THOC2: variants seen among roughly 807,000 people sequenced by gnomAD.
THOC2 encodes THO complex 2.
Under a neutral mutation model 128.4 loss-of-function variants are expected in THOC2, and 10 were observed. The observed-to-expected ratio is 0.08, with a 90% CI of 0.05 to 0.13. THOC2 has a LOEUF of 0.13. THOC2 is among the 10% of genes least tolerant of loss of function. The probability of loss-of-function intolerance (pLI) is 1.00; values close to 1 mark genes in which losing one functional copy is unlikely to be tolerated. For synonymous variants in THOC2, 393 were observed against 396.9 expected (o/e 0.99, Z 0.12); for missense variants, 535 against 1,155.7 (o/e 0.46, Z 7.79).
chrX:123,700,305 A>T (rs2050636221), intron 4 of THOC2, among the ~76,000 whole-genome samples: 1 of 108,712 alleles, frequency 9.2e-6, no homozygotes, highest in Admixed American at 1.0e-4. Flanking sequence ...GTTTGAGACC[A>T]GCCTGGCCAA....
chrX:123,633,463 C>T (rs754262302), intron 20 of THOC2, among the ~76,000 whole-genome samples: 13 of 111,405 alleles, frequency 1.2e-4, no homozygotes, highest in East Asian at 1.1e-3. Flanking sequence ...AGTACGATGG[C>T]GAGATCTTGG....
chrX:123,611,387 AG>A, intron 37 of THOC2, 52 bp downstream of exon 37: 1 of 910,579 alleles, frequency 1.1e-6, no homozygotes, highest in Non-Finnish European at 1.6e-6. Flanking sequence ...AAACATGACC[AG>A]TATCAAAGCT....
intron 19 of THOC2, among the ~76,000 whole-genome samples, chrX:123,634,522 T>C (rs1235234900): frequency 8.9e-6 from 1 of 111,839 alleles, no homozygotes; most frequent in Non-Finnish European, 1.9e-5. Flanking sequence ...AAGAGAGCTA[T>C]TCTCTTAAAT....
intron 16 of THOC2, among the ~76,000 whole-genome samples, chrX:123,639,622 C>T (rs986031397): frequency 6.3e-5 from 7 of 110,815 alleles, no homozygotes; most frequent in Middle Eastern, 4.2e-3. Flanking sequence ...TGGGTACACA[C>T]GGACATAAAG....
In THOC2 at chrX:123,713,476, C is replaced by CAAAAAA. The variant is rs1245124629; in HGVS notation, c.72-574_72-569dup. Among the ~76,000 whole-genome samples, 372 of 38,366 alleles carry CAAAAAA rather than the reference C, an allele frequency of 9.7e-3. 4 individuals are homozygous for CAAAAAA. The highest frequency in any genetic ancestry group is 0.065 in the Middle Eastern group (3 of 46). 33.3% of individuals were successfully genotyped at this position (38,366 alleles called of 115,157 possible). Reference sequence around the variant, plus strand: ...GCAACAGAGCAAGACTCTGTCTCTACAAAAAAAAAAAAAAAGTAAAGAAAA... The same window carrying CAAAAAA: ...GCAACAGAGCAAGACTCTGTCTCTACAAAAAAAAAAAAAAAAAAAAAGTAAAGAAAA... On this transcript the variant is annotated intron_variant, in intron 1 of 38. Coordinates refer to ENST00000245838, the MANE Select transcript of THOC2 (RefSeq NM_001081550.2).
chrX:123,713,101 G>T (rs187239110), intron 1 of THOC2, among the ~76,000 whole-genome samples, 193 bp from the exon 2 acceptor site: 2 of 112,210 alleles, frequency 1.8e-5, no homozygotes, highest in African/African-American at 6.5e-5. Flanking sequence ...AAGGAATTAT[G>T]AAATTAGAAT....
At chrX:123,651,006 T>G (rs1448301440) in intron 12 of THOC2, among the ~76,000 whole-genome samples, 1 of 111,971 alleles carries the variant, frequency 8.9e-6, no homozygotes, top group Non-Finnish European at 1.9e-5. Context: ...AGAATATACA[T>G]TCTTCTCAGC....
chrX:123,688,222 T>C (rs1428452411), intron 7 of THOC2, among the ~76,000 whole-genome samples: 1 of 111,587 alleles, frequency 9.0e-6, no homozygotes, highest in Non-Finnish European at 1.9e-5. Context: ...AACATATAAA[T>C]GGATAAGCAA....
chrX:123,697,800 C>A (rs1355193690), intron 4 of THOC2, 49 bp from the exon 5 acceptor site: 8 of 533,371 alleles, frequency 1.5e-5, no homozygotes, highest in Non-Finnish European at 2.4e-5. Flanking sequence ...CTAGACTCCC[C>A]AGCACTAAAG....
rs187626266 is a variant in THOC2 at position 123,643,825 on chromosome X, C to A, written c.1661+750G>T. Reference sequence around the variant, plus strand: ...CAGAAACAATATCACTGGGCAAGGACAACATTTAACAGACATTACACACTG... The same window carrying A: ...CAGAAACAATATCACTGGGCAAGGAAAACATTTAACAGACATTACACACTG... On this transcript the variant is annotated intron_variant, in intron 15 of 38. Coordinates refer to ENST00000245838, the MANE Select transcript of THOC2 (RefSeq NM_001081550.2). Among the ~76,000 whole-genome samples the A allele has an allele frequency of 5.7e-3, 631 of 110,366 alleles. 4 individuals are homozygous for A. The highest frequency in any genetic ancestry group is 0.019 in the Middle Eastern group (4 of 211).
At chrX:123,682,015 C>T (rs1282378766) in intron 8 of THOC2, among the ~76,000 whole-genome samples, 1 of 111,422 alleles carries the variant, frequency 9.0e-6, no homozygotes, top group Non-Finnish European at 1.9e-5. Flanking sequence ...GCCGAGATTG[C>T]GCCATGCGCT....
At chrX:123,717,535 A>C (rs1331359255) in intron 1 of THOC2, among the ~76,000 whole-genome samples, 1 of 111,408 alleles carries the variant, frequency 9.0e-6, no homozygotes, top group Non-Finnish European at 1.9e-5. Context: ...GAAGATGACA[A>C]ATAAATGAAA....
At chrX:123,640,059 C>T (rs1170242112) in intron 16 of THOC2, among the ~76,000 whole-genome samples, 1 of 111,397 alleles carries the variant, frequency 9.0e-6, no homozygotes, top group Non-Finnish European at 1.9e-5. Context: ...CAGTGGCATG[C>T]GCCTGTAATC....
chrX:123,711,024 A>G (rs868491214), intron 2 of THOC2, among the ~76,000 whole-genome samples: 2 of 99,436 alleles, frequency 2.0e-5, no homozygotes, highest in Non-Finnish European at 4.0e-5. Flanking sequence ...CACACACCCA[A>G]ATGTTCTTTT....
At chrX:123,685,930 C>T (rs968391146) in intron 8 of THOC2, among the ~76,000 whole-genome samples, 6 of 111,469 alleles carry the variant, frequency 5.4e-5, no homozygotes, top group South Asian at 3.8e-4. Flanking sequence ...CAGTGGCACA[C>T]GACTGTAGTC....
Position 123,639,499 on chromosome X carries a change from T to C in THOC2, c.1747-472A>G, listed in dbSNP as rs141766198. 6.9e-3 allele frequency among the ~76,000 whole-genome samples: 769 copies of C among 112,164 alleles called. 7 individuals are homozygous for C. Among genetic ancestry groups the C allele is most frequent in the African/African-American group, 0.023 (711 of 30,865 alleles). On this transcript the variant is annotated intron_variant, in intron 16 of 38. Coordinates refer to ENST00000245838, the MANE Select transcript of THOC2 (RefSeq NM_001081550.2). ...GATGTATCTCTTGGTACTTTTTTTG[T>C]GGCTATTGTAAATGGGATTGTGCTC...
chrX:123,652,480 G>A (rs1270297503), intron 12 of THOC2, among the ~76,000 whole-genome samples: 2 of 111,764 alleles, frequency 1.8e-5, no homozygotes, highest in African/African-American at 6.5e-5. Context: ...TAGGAAGAGA[G>A]GAAGTCAAAT....
intron 12 of THOC2, among the ~76,000 whole-genome samples, chrX:123,659,042 A>G (rs916538628): frequency 1.8e-5 from 2 of 112,392 alleles, no homozygotes; most frequent in African/African-American, 6.5e-5. Context: ...TGAGCATGTT[A>G]GTGCTCTATA....
intron 38 of THOC2, among the ~76,000 whole-genome samples, chrX:123,606,718 G>A (rs1245639677): frequency 8.9e-6 from 1 of 112,433 alleles, no homozygotes; most frequent in Non-Finnish European, 1.9e-5. Flanking sequence ...TTACACATGT[G>A]AGACTGGAAG....
Sources: gnomAD v4.1 joint callset for allele counts (sites outside exome capture counted in the v4.1 genomes callset) on GRCh38, gnomAD v4.1.1 for gene constraint, MANE v1.5 for transcripts, NCBI Gene and HGNC (gene_info 2026-07-23, HGNC 2026-07-21) for gene names.